Variants in COL25A1 observed in about 807,000 individuals in gnomAD.
The protein encoded by COL25A1 is collagen type XXV alpha 1 chain, also known as collagen alpha-1(XXV) chain.
In COL25A1, 103 loss-of-function variants were observed where a neutral mutation model predicts 128.4. The observed-to-expected ratio is 0.80, with a 90% CI of 0.68 to 0.94. COL25A1 has a LOEUF of 0.94. COL25A1 is among the 40% of genes least tolerant of loss of function. The pLI is 0.00. For synonymous variants in COL25A1, 279 were observed against 277.2 expected (o/e 1.01, Z -0.06); for missense variants, 745 against 840.0 (o/e 0.89, Z 1.40).
intron 3 of COL25A1, among the ~76,000 whole-genome samples, chr4:109,155,467 T>C (rs1157137474): frequency 2.0e-5 from 3 of 152,210 alleles, no homozygotes; most frequent in Non-Finnish European, 4.4e-5. Context: ...TTAAAATCTT[T>C]ATAAAAGCTC....
chr4:109,242,079 C>CAT (rs141280851), intron 3 of COL25A1, among the ~76,000 whole-genome samples: 9,750 of 151,998 alleles, frequency 0.064, 665 homozygotes, highest in African/African-American at 0.18. Flanking sequence ...CTTCACCTTT[C>CAT]ATATGTCACA....
chr4:109,052,929 A>G (rs1327932809), intron 3 of COL25A1, among the ~76,000 whole-genome samples: 1 of 152,208 alleles, frequency 6.6e-6, no homozygotes, highest in Non-Finnish European at 1.5e-5. Flanking sequence ...GAACACATAC[A>G]GAAGCTGGAA....
At chr4:108,884,677 A>G (rs1163679987) in intron 18 of COL25A1, among the ~76,000 whole-genome samples, 2 of 152,202 alleles carry the variant, frequency 1.3e-5, no homozygotes, top group Non-Finnish European at 2.9e-5. Flanking sequence ...AACAATATTC[A>G]TTAAAAGTCT....
intron 17 of COL25A1, 64 bp downstream of exon 17, chr4:108,889,637 T>C (rs926702800): frequency 5.0e-6 from 7 of 1,399,624 alleles, no homozygotes; most frequent in Non-Finnish European, 7.1e-6. Flanking sequence ...GGAGAGAAAG[T>C]AGAGGCCTAT....
chr4:108,825,167 G>C, intron 34 of COL25A1, 29 bp downstream of exon 34: 1 of 1,562,512 alleles, frequency 6.4e-7, no homozygotes, highest in Non-Finnish European at 8.8e-7. Flanking sequence ...TATTATAATA[G>C]GATGATGTTT....
At chr4:109,055,715 ATCTCC>A (rs1260595322) in intron 3 of COL25A1, among the ~76,000 whole-genome samples, 1 of 152,200 alleles carries the variant, frequency 6.6e-6, no homozygotes, top group East Asian at 1.9e-4. Context: ...TCATCCTTGT[ATCTCC>A]AGCAGCAGGC....
At chr4:108,858,226 C>T (rs546893403) in intron 24 of COL25A1, among the ~76,000 whole-genome samples, 1 of 152,088 alleles carries the variant, frequency 6.6e-6, no homozygotes, top group East Asian at 1.9e-4. Flanking sequence ...AAATTAGAAC[C>T]ATCGAAGCCA....
At chr4:109,157,067 C>T (rs1421907016) in intron 3 of COL25A1, among the ~76,000 whole-genome samples, 1 of 152,190 alleles carries the variant, frequency 6.6e-6, no homozygotes, top group Admixed American at 6.5e-5. Flanking sequence ...CACCTACATT[C>T]AAATTTTTAA....
chr4:109,012,922 C>T (rs550080655), intron 5 of COL25A1, among the ~76,000 whole-genome samples: 27 of 152,354 alleles, frequency 1.8e-4, no homozygotes, highest in Non-Finnish European at 2.9e-4. Context: ...TAGGCGAAGC[C>T]AGCTGGGCTC....
intron 3 of COL25A1, among the ~76,000 whole-genome samples, chr4:109,259,763 G>A (rs997142494): frequency 2.6e-5 from 4 of 152,176 alleles, no homozygotes; most frequent in Non-Finnish European, 4.4e-5. Flanking sequence ...CCTTTGATGT[G>A]TGTGCAGGCA....
At chr4:109,174,776 AAC>A (rs1225194948) in intron 3 of COL25A1, among the ~76,000 whole-genome samples, 1 of 152,190 alleles carries the variant, frequency 6.6e-6, no homozygotes, top group African/African-American at 2.4e-5. Context: ...TGCAAAATTA[AAC>A]ACTCACCTTT....
At chr4:109,221,735 C>G (rs1778425990) in intron 3 of COL25A1, among the ~76,000 whole-genome samples, 1 of 152,152 alleles carries the variant, frequency 6.6e-6, no homozygotes, top group African/African-American at 2.4e-5. Flanking sequence ...GGCTCTTAAC[C>G]AGTGTTACTA....
At chr4:108,834,464 C>T (rs904169785) in intron 31 of COL25A1, 10 of 1,320,530 alleles carry the variant, frequency 7.6e-6, no homozygotes, top group African/African-American at 5.8e-5. Flanking sequence ...TATGAGGTAC[C>T]GATGAACAAA....
At chr4:109,075,408 A>G (rs1358516178) in intron 3 of COL25A1, among the ~76,000 whole-genome samples, 1 of 152,106 alleles carries the variant, frequency 6.6e-6, no homozygotes, top group East Asian at 1.9e-4. Context: ...AAGTTATTCT[A>G]TATACTTGGA....
intron 8 of COL25A1, among the ~76,000 whole-genome samples, chr4:108,945,567 T>C (rs1231972043): frequency 6.6e-6 from 1 of 152,240 alleles, no homozygotes; most frequent in African/African-American, 2.4e-5. Context: ...ATTTGCCTGG[T>C]ACACAGATGG....
chr4:109,139,051 G>A (rs1770117586), intron 3 of COL25A1, among the ~76,000 whole-genome samples: 1 of 152,048 alleles, frequency 6.6e-6, no homozygotes, highest in Admixed American at 6.6e-5. Flanking sequence ...GTTTTGATTT[G>A]CATTTCTCTA....
chr4:109,268,247 C>T (rs1197597966), intron 3 of COL25A1, among the ~76,000 whole-genome samples: 1 of 152,140 alleles, frequency 6.6e-6, no homozygotes, highest in Admixed American at 6.5e-5. Context: ...TGAACATTTT[C>T]CTTTTTCTTT....
intron 6 of COL25A1, among the ~76,000 whole-genome samples, chr4:109,008,123 A>C (rs1453224546): frequency 6.6e-6 from 1 of 152,164 alleles, no homozygotes; most frequent in Admixed American, 6.6e-5. Context: ...GCCCACCACT[A>C]TCTGCTCCAA....
At chr4:109,301,292 T>C (rs184907302) in intron 2 of COL25A1, among the ~76,000 whole-genome samples, 1 of 152,220 alleles carries the variant, frequency 6.6e-6, no homozygotes, top group Non-Finnish European at 1.5e-5. Flanking sequence ...ATGACATTAT[T>C]TTACATTTAA....
Sources: allele counts gnomAD v4.1 joint callset (sites outside exome capture counted in the v4.1 genomes callset), GRCh38; gene constraint gnomAD v4.1.1; transcripts MANE v1.5; gene names NCBI Gene and HGNC (gene_info 2026-07-23, HGNC 2026-07-21).